RHOBTB3: variants seen among roughly 807,000 people sequenced by gnomAD.
RHOBTB3 encodes the protein Rho related BTB domain containing 3.
Under a neutral mutation model 67.2 loss-of-function variants are expected in RHOBTB3, and 47 were observed. The ratio of observed to expected loss-of-function variants is 0.70; its 90% CI spans 0.55 to 0.89. The LOEUF is 0.89. Ranked by LOEUF, RHOBTB3 falls within the 40% of genes least tolerant of loss-of-function variation. RHOBTB3 has a pLI of 0.00. For missense variants in RHOBTB3, 631 were observed against 750.0 expected, an observed-to-expected ratio of 0.84 and a Z score of 1.85; for synonymous variants, 273 against 274.2, an observed-to-expected ratio of 1.00 and a Z score of 0.04.
At chr5:95,790,100 C>A (rs1018427913) in intron 11 of RHOBTB3, among the ~76,000 whole-genome samples, 7 of 152,228 alleles carry the variant, frequency 4.6e-5, no homozygotes, top group African/African-American at 1.7e-4. Context: ...AGTCAACAAA[C>A]ATTATATGTC....
chr5:95,755,646 T>C lies in RHOBTB3; in HGVS notation c.933T>C (p.Asp311=). The change falls in exon 6 of 12, where the codon GAT becomes GAC. Residue 311 remains aspartate (D), a synonymous_variant. Coordinates refer to ENST00000379982, the MANE Select transcript of RHOBTB3 (RefSeq NM_014899.4). ...TTQDLFAINR[D]TAFPGASHES... is the part of the protein sequence containing the mutation. ...AGGATCTTTTTGCTATAAACAGAGA[T>C]ACTGCATTTCCAGGTGCTAGCCATG... The C allele has an allele frequency of 6.2e-7, 1 of 1,614,202 alleles. No individual in the cohort carries two copies. The highest frequency in any genetic ancestry group is 1.1e-5 in the South Asian group (1 of 91,076).
At chr5:95,775,556 C>T (rs1223845299) in intron 8 of RHOBTB3, among the ~76,000 whole-genome samples, 2 of 151,734 alleles carry the variant, frequency 1.3e-5, no homozygotes, top group Non-Finnish European at 2.9e-5. Flanking sequence ...CAGATAAGGG[C>T]TACTCAACCT....
intron 11 of RHOBTB3, among the ~76,000 whole-genome samples, chr5:95,790,787 A>G (rs967128056): frequency 6.6e-6 from 1 of 152,248 alleles, no homozygotes; most frequent in African/African-American, 2.4e-5. Flanking sequence ...GTCTAAATCA[A>G]TAGTTACTAA....
intron 1 of RHOBTB3, among the ~76,000 whole-genome samples, chr5:95,721,693 TAA>T (rs58596325): frequency 1.4e-4 from 19 of 132,146 alleles, no homozygotes; most frequent in Non-Finnish European, 1.3e-4. Context: ...CTGAGAGCAT[TAA>T]AAAAAAAAAA....
intron 3 of RHOBTB3, among the ~76,000 whole-genome samples, chr5:95,741,932 T>C (rs1017460317): frequency 6.6e-6 from 1 of 152,238 alleles, no homozygotes; most frequent in African/African-American, 2.4e-5. Flanking sequence ...TTAAATTCAG[T>C]ATTTTGTGAT....
chr5:95,774,188 G>C (rs1745803299), intron 8 of RHOBTB3, among the ~76,000 whole-genome samples: 1 of 152,054 alleles, frequency 6.6e-6, no homozygotes, highest in Non-Finnish European at 1.5e-5. Flanking sequence ...ATGATGATTA[G>C]AAAAATGTTG....
At chr5:95,746,062 G>A (rs1458177400) in intron 3 of RHOBTB3, among the ~76,000 whole-genome samples, 1 of 152,088 alleles carries the variant, frequency 6.6e-6, no homozygotes, top group Non-Finnish European at 1.5e-5. Context: ...GGTGTAGAAA[G>A]ACTAGACATT....
chr5:95,777,725 T>C (rs910138730), intron 8 of RHOBTB3, among the ~76,000 whole-genome samples: 2 of 152,182 alleles, frequency 1.3e-5, no homozygotes, highest in African/African-American at 4.8e-5. Flanking sequence ...AAAACAGTAG[T>C]TTAAAGAGGT....
At position 95,763,593 on chromosome 5, in the gene RHOBTB3, T is replaced by G; in HGVS notation, c.1134T>G (p.Val378=). The part of the protein sequence containing the change: ...SGDVSNVIEK[V]KCILKTPGKI... ...ATGTTTCAAATGTAATCGAGAAAGT[T>G]AAATGCATTTTAAAAACACCAGGAA... Residue 378 remains valine, a synonymous_variant, in exon 7 of 12, where the codon GTT becomes GTG. Coordinates refer to ENST00000379982, the MANE Select transcript of RHOBTB3 (RefSeq NM_014899.4). 6 of 1,607,154 alleles carry G rather than the reference T, an allele frequency of 3.7e-6. No individual in the cohort carries two copies. The highest frequency in any genetic ancestry group is 5.1e-6 in the Non-Finnish European group (6 of 1,174,124).
chr5:95,730,767 C>CAAATTAATTG (rs1473918283), upstream of RHOBTB3: 1 of 381,120 alleles, frequency 2.6e-6, no homozygotes, highest in African/African-American at 2.1e-5. Context: ...GCGACATTAG[C>CAAATTAATTG]AAATTAATTG....
chr5:95,745,039 C>CCGG (rs150049267), intron 3 of RHOBTB3, among the ~76,000 whole-genome samples: 2,926 of 152,018 alleles, frequency 0.019, 79 homozygotes, highest in African/African-American at 0.063. Flanking sequence ...TGCCACTGCA[C>CCGG]TCCAGCCTGG....
chr5:95,752,853 C>T (rs565902408), intron 5 of RHOBTB3, among the ~76,000 whole-genome samples: 21 of 152,138 alleles, frequency 1.4e-4, no homozygotes, highest in East Asian at 1.2e-3. Flanking sequence ...CGTAGAGTCC[C>T]GGGCGCGGTG....
chr5:95,780,347 C>G lies in RHOBTB3; in HGVS notation c.1378C>G (p.Leu460Val), dbSNP rs1746012695. ...TAATTACATGGAAGCAAAGAGTGTC[C>G]TGATTCCCGTTTATGGTGTTTCCAA... ...NGNYMEAKSVLIPVYGVSKET... is the reference protein window; with the variant it reads ...NGNYMEAKSVVIPVYGVSKET... The change falls in exon 9 of 12, where the codon CTG becomes GTG. Residue 460 changes from leucine to valine, a missense_variant. Transcript: ENST00000379982. 2.5e-6 allele frequency: 4 copies of G among 1,613,856 alleles called. No individual in the cohort carries two copies. Among genetic ancestry groups the G allele is most frequent in the Non-Finnish European group, 3.4e-6 (4 of 1,179,730 alleles).
In RHOBTB3 at chr5:95,744,290, A is replaced by G. The variant is rs200436193; in HGVS notation, c.416-4043A>G. The stretch of plus-strand genomic sequence containing the variant: ...ATATCAGCATAGCAAATTCACACTT[A>G]TCTTTTAAATCATTACACTTTCTGT... On this transcript the variant is annotated intron_variant, in intron 3 of 11. Transcript: ENST00000379982. Among the ~76,000 whole-genome samples the G allele has an allele frequency of 7.9e-5, 12 of 152,258 alleles. No homozygotes were observed. In the East Asian group the frequency reaches 1.2e-3, roughly 15 times the overall value.
chr5:95,747,374 A>G (rs1321677121), intron 3 of RHOBTB3, among the ~76,000 whole-genome samples: 5 of 152,042 alleles, frequency 3.3e-5, no homozygotes, highest in Non-Finnish European at 7.4e-5. Context: ...ATCACTCCCC[A>G]ATTAACCTTC....
intron 8 of RHOBTB3, among the ~76,000 whole-genome samples, chr5:95,772,895 G>A (rs1188972172): frequency 6.6e-6 from 1 of 152,218 alleles, no homozygotes; most frequent in Non-Finnish European, 1.5e-5. Context: ...TCATTTTGCA[G>A]CATAGTTTGA....
intron 3 of RHOBTB3, among the ~76,000 whole-genome samples, chr5:95,740,066 TAGTG>T (rs1319546001): frequency 1.3e-5 from 2 of 152,164 alleles, no homozygotes; most frequent in Non-Finnish European, 2.9e-5. Context: ...ATTCTCATGA[TAGTG>T]AGTAAGTCTC....
upstream of RHOBTB3, among the ~76,000 whole-genome samples, chr5:95,727,286 A>G (rs1755084635): frequency 1.6e-5 from 2 of 127,698 alleles, no homozygotes; most frequent in South Asian, 6.1e-4. Flanking sequence ...GTTTTCCTTA[A>G]AACATAGTTG....
At chr5:95,731,290 C>T (rs1477179230), upstream of RHOBTB3, 1 of 1,029,656 alleles carries the variant, frequency 9.7e-7, no homozygotes, top group Non-Finnish European at 1.2e-6. Context: ...CCCGATCTCC[C>T]CGACCCCCCT....
Sources: gnomAD v4.1 joint callset for allele counts (sites outside exome capture counted in the v4.1 genomes callset) on GRCh38, gnomAD v4.1.1 for gene constraint, MANE v1.5 for transcripts, NCBI Gene and HGNC (gene_info 2026-07-23, HGNC 2026-07-21) for gene names.